ATAD5: variants seen among roughly 807,000 people sequenced by gnomAD.
ATAD5 encodes the protein ATPase family AAA domain-containing protein 5.
In ATAD5, 58 loss-of-function variants were observed where a neutral mutation model predicts 176.9. The ratio of observed to expected loss-of-function variants is 0.33; its 90% CI spans 0.27 to 0.41. The LOEUF (loss-of-function observed/expected upper bound fraction) is 0.41. Among genes scored for constraint, ATAD5 ranks in the 10% least tolerant of loss-of-function variants. The pLI is 1.00. For synonymous variants in ATAD5, 640 were observed against 712.6 expected, an observed-to-expected ratio of 0.90 and a Z score of 1.62; for missense variants, 1,789 against 2,094.1, an observed-to-expected ratio of 0.85 and a Z score of 2.84.
chr17:30,838,019 G>A lies in ATAD5; in HGVS notation c.2076+705G>A, dbSNP rs375132651. Among the ~76,000 whole-genome samples, 619 of 152,280 alleles carry A rather than the reference G, an allele frequency of 4.1e-3. 4 individuals carry two copies. Among genetic ancestry groups the A allele is most frequent in the South Asian group, 0.026 (123 of 4,816 alleles). On this transcript the variant is annotated intron_variant, in intron 3 of 22. Coordinates refer to ENST00000321990, the MANE Select transcript of ATAD5 (RefSeq NM_024857.5). Reference sequence around the variant, plus strand: ...TCTTTACTGTGGAGGGCTGTCCTGTGCATTGTAGGATGTTTAGCAACACTC... The same window carrying A: ...TCTTTACTGTGGAGGGCTGTCCTGTACATTGTAGGATGTTTAGCAACACTC...
intron 6 of ATAD5, among the ~76,000 whole-genome samples, chr17:30,850,854 TATATATATATATATA>T (rs1355667508): frequency 5.0e-5 from 2 of 39,872 alleles, no homozygotes; most frequent in African/African-American, 1.2e-4. Context: ...TATATATATA[TATATATATATATATA>T]TTTTTTTTTT....
intron 3 of ATAD5, among the ~76,000 whole-genome samples, chr17:30,837,823 T>C (rs1025071828): frequency 4.6e-5 from 7 of 152,184 alleles, no homozygotes; most frequent in African/African-American, 1.4e-4. Flanking sequence ...TACCTCCTAA[T>C]ACCATTACAT....
At chr17:30,886,196 T>G (rs1211152453) in intron 18 of ATAD5, among the ~76,000 whole-genome samples, 4 of 151,306 alleles carry the variant, frequency 2.6e-5, no homozygotes, top group Non-Finnish European at 4.4e-5. Flanking sequence ...AGAATTGTCT[T>G]TGTTAGCTTT....
intron 6 of ATAD5, among the ~76,000 whole-genome samples, chr17:30,854,693 T>C (rs149063906): frequency 0.016 from 2,379 of 151,680 alleles, 19 homozygotes; most frequent in Middle Eastern, 0.038. Flanking sequence ...TTTTTAAAAA[T>C]TAAATTTAAA....
In ATAD5 at chr17:30,835,241, G is replaced by A. The variant is rs563035692; in HGVS notation, c.1160G>A (p.Ser387Asn). 6.8e-6 allele frequency: 11 copies of A among 1,614,096 alleles called. No homozygotes were observed. In the Admixed American group the frequency reaches 1.7e-4, roughly 24 times the overall value. The change falls in exon 2 of 23, where the codon AGT becomes AAT. Residue 387 changes from serine to asparagine, a missense_variant. Around this residue, in one of 6 missense-constraint regions of ATAD5, gnomAD observed 696 missense variants for 712.5 expected, o/e 0.98. Transcript: ENST00000321990. ...ELELAVLEAG[S>N]SEAVKPKCTL... is the part of the protein sequence containing the mutation. Reference sequence around the variant, plus strand: ...GAATTGGCTGTTTTGGAAGCTGGAAGTTCTGAAGCTGTGAAACCAAAATGC... The same window carrying A: ...GAATTGGCTGTTTTGGAAGCTGGAAATTCTGAAGCTGTGAAACCAAAATGC...
intron 11 of ATAD5, among the ~76,000 whole-genome samples, chr17:30,866,460 T>G (rs1907989646): frequency 6.7e-6 from 1 of 149,898 alleles, no homozygotes; most frequent in South Asian, 2.1e-4. Context: ...CCTCCTAAAG[T>G]GCTGGGATTA....
At position 30,876,370 on chromosome 17, in the gene ATAD5, G is replaced by A; in HGVS notation, c.3608-4G>A. On this transcript the variant is annotated splice_polypyrimidine_tract_variant and splice_region_variant and intron_variant, in intron 14 of 22. Transcript: ENST00000321990. ...ATCTTTAAGTGCAATTTGTTTTTGG[G>A]CAGAAAAAATAAGCTCCCCTAAGAA... 2 of 1,566,580 alleles carry A rather than the reference G, an allele frequency of 1.3e-6. No individual in the cohort carries two copies. Among genetic ancestry groups the A allele is most frequent in the South Asian group, 1.2e-5 (1 of 82,806 alleles).
chr17:30,850,001 C>T (rs1906769951), intron 6 of ATAD5, among the ~76,000 whole-genome samples: 1 of 152,020 alleles, frequency 6.6e-6, no homozygotes, highest in Non-Finnish European at 1.5e-5. Context: ...ACTAGCCAGG[C>T]ATGGTGGTGT....
At chr17:30,892,367 GT>G (rs1909685028) in intron 19 of ATAD5, among the ~76,000 whole-genome samples, 2 of 149,942 alleles carry the variant, frequency 1.3e-5, no homozygotes, top group Non-Finnish European at 2.9e-5. Context: ...GGAGGTTTCA[GT>G]GAGCTGAAAT....
chr17:30,859,847 C>T, intron 9 of ATAD5, among the ~76,000 whole-genome samples: 1 of 146,686 alleles, frequency 6.8e-6, no homozygotes, highest in African/African-American at 2.5e-5. Flanking sequence ...CTTCTGCCTC[C>T]TAGGTAGCTG....
intron 3 of ATAD5, among the ~76,000 whole-genome samples, chr17:30,840,253 CTGTTTTCTTTAT>C (rs1224408238): frequency 6.9e-6 from 1 of 144,402 alleles, no homozygotes; most frequent in Admixed American, 6.9e-5. Context: ...TATTATAATA[CTGTTTTCTTTAT>C]AGTATCCAGC....
intron 16 of ATAD5, 130 bp downstream of exon 16, chr17:30,877,679 T>G: frequency 1.1e-6 from 1 of 943,530 alleles, no homozygotes; most frequent in Non-Finnish European, 1.6e-6. Context: ...TATTTGAAAT[T>G]AAAGCAAATT....
Position 30,894,596 on chromosome 17 carries a change from G to A in ATAD5, c.5330G>A (p.Ser1777Asn), listed in dbSNP as rs1359930777. 6.2e-7 allele frequency: 1 copy of A among 1,611,912 alleles called. No individual in the cohort carries two copies. The highest frequency in any genetic ancestry group is 8.5e-7 in the Non-Finnish European group (1 of 1,179,452). ...TGGAAGAGGATATCAGTCATTAAAA[G>A]TGTATTTTCGAGTCGATCTCTTCTC... Reference protein sequence around the residue: ...NAWKRISVIKSVFSSRSLLYV... With the variant: ...NAWKRISVIKNVFSSRSLLYV... Residue 1777 changes from serine to asparagine, a missense_variant, in exon 22 of 23, where the codon AGT becomes AAT. This residue lies in a region of ATAD5 where 403 missense variants were observed against 495.1 expected (regional missense o/e 0.81). Coordinates refer to ENST00000321990, the MANE Select transcript of ATAD5 (RefSeq NM_024857.5).
At chr17:30,892,415 ACT>A (rs1240168847) in intron 19 of ATAD5, among the ~76,000 whole-genome samples, 190 bp from the exon 20 acceptor site, 1 of 141,864 alleles carries the variant, frequency 7.0e-6, no homozygotes, top group African/African-American at 2.6e-5. Flanking sequence ...ATAGAGTGAT[ACT>A]CTGTCTTTAA....
Position 30,879,425 on chromosome 17 carries a change from C to G in ATAD5, c.4015C>G (p.Pro1339Ala). The G allele has an allele frequency of 6.3e-7, 1 of 1,594,960 alleles. No homozygotes were observed. Among genetic ancestry groups the G allele is most frequent in the Non-Finnish European group, 8.5e-7 (1 of 1,174,754 alleles). Residue 1339 changes from proline (P) to alanine (A), a missense_variant and splice_region_variant, in exon 18 of 23, where the codon CCA (proline) becomes GCA (alanine). Physicochemically the swap from Pro to Ala is conservative, Grantham distance 27 (BLOSUM62 -1). Around this residue, in one of 6 missense-constraint regions of ATAD5, gnomAD observed 194 missense variants for 270.1 expected, o/e 0.72. Transcript: ENST00000321990. Reference protein sequence around the residue: ...KRPVILTTSDPTFSLMFDGCF... With the variant: ...KRPVILTTSDATFSLMFDGCF... Reference sequence around the variant, plus strand: ...TTTGTGTGTGTGTGTGTGTGTAGACCCAACATTTAGTTTAATGTTTGATGG... The same window carrying G: ...TTTGTGTGTGTGTGTGTGTGTAGACGCAACATTTAGTTTAATGTTTGATGG...
chr17:30,840,728 C>G lies in ATAD5; in HGVS notation c.2188C>G (p.Arg730Gly). 6.2e-7 allele frequency: 1 copy of G among 1,609,330 alleles called. No homozygotes were observed. Among genetic ancestry groups the G allele is most frequent in the East Asian group, 2.2e-5 (1 of 44,484 alleles). ...TGAAGAAATAGCGATACCCTTAAGGCGCTCCTCTAGACATCAGACACTTCC... is the reference window on the plus strand; with the variant it reads ...TGAAGAAATAGCGATACCCTTAAGGGGCTCCTCTAGACATCAGACACTTCC... ...VTEEIAIPLRRSSRHQTLPER... is the reference protein window; with the variant it reads ...VTEEIAIPLRGSSRHQTLPER... Residue 730 changes from arginine to glycine, a missense_variant, in exon 4 of 23, where the codon CGC becomes GGC. Coordinates refer to ENST00000321990, the MANE Select transcript of ATAD5 (RefSeq NM_024857.5).
Position 30,840,734 on chromosome 17 carries a change from T to C in ATAD5, c.2194T>C (p.Ser732Pro), listed in dbSNP as rs759132272. ...EEIAIPLRRS[S>P]RHQTLPERKK... ...AATAGCGATACCCTTAAGGCGCTCC[T>C]CTAGACATCAGACACTTCCTGAAAG... Residue 732 changes from serine (S) to proline (P), a missense_variant, in exon 4 of 23, where the codon TCT becomes CCT. Around this residue, in one of 6 missense-constraint regions of ATAD5, gnomAD observed 487 missense variants for 573.6 expected, o/e 0.85. Transcript: ENST00000321990. The C allele has an allele frequency of 6.2e-7, 1 of 1,609,354 alleles. No individual in the cohort carries two copies.
chr17:30,832,297 G>C lies in ATAD5; in HGVS notation c.-51G>C. 1 of 1,466,836 alleles carries C rather than the reference G, an allele frequency of 6.8e-7. No individual in the cohort carries two copies. Among genetic ancestry groups the C allele is most frequent in the Non-Finnish European group, 9.1e-7 (1 of 1,099,610 alleles). 90.9% of individuals were successfully genotyped at this position (1,466,836 alleles called of 1,614,324 possible). ...CGCCTCCATGGCCTCCAGGCAGGCC[G>C]GGCTGGACCGCGTGAGGTCCTAGGA... On this transcript the variant is annotated 5_prime_UTR_variant, in exon 1 of 23. Coordinates refer to ENST00000321990, the MANE Select transcript of ATAD5 (RefSeq NM_024857.5).
chr17:30,869,771 C>A, intron 14 of ATAD5, 125 bp downstream of exon 14: 3 of 1,008,164 alleles, frequency 3.0e-6, no homozygotes, highest in Non-Finnish European at 4.2e-6. Flanking sequence ...TCCTGCCCAC[C>A]CCTGCCAGAT....
Sources: allele counts gnomAD v4.1 joint callset (sites outside exome capture counted in the v4.1 genomes callset), GRCh38; gene constraint gnomAD v4.1.1; regional missense constraint gnomAD v4.1.1; transcripts MANE v1.5; gene names NCBI Gene and HGNC (gene_info 2026-07-23, HGNC 2026-07-21).